CHI3L2: variants seen among roughly 807,000 people sequenced by gnomAD.
CHI3L2 encodes chitinase 3 like 2, also known as chitinase-3-like protein 2.
In CHI3L2, 47 loss-of-function variants were observed where a neutral mutation model predicts 47.3. The ratio of observed to expected loss-of-function variants is 0.99; its 90% CI spans 0.79 to 1.27. CHI3L2 has a LOEUF of 1.27. Among genes scored for constraint, CHI3L2 ranks in the 50% most tolerant of loss-of-function variants. The pLI, the probability that CHI3L2 is intolerant of heterozygous loss-of-function variation, is 0.00. For synonymous variants in CHI3L2, 198 were observed against 169.9 expected (o/e 1.17, Z -1.28); for missense variants, 497 against 462.1 (o/e 1.08, Z -0.69).
chr1:111,237,197 G>T (rs1337455617), intron 7 of CHI3L2, among the ~76,000 whole-genome samples: 3 of 152,236 alleles, frequency 2.0e-5, no homozygotes, highest in Non-Finnish European at 4.4e-5. Flanking sequence ...TACAAAAGCA[G>T]ACTGGTCTCT....
chr1:111,230,405 C>A (rs929108769), intron 2 of CHI3L2, among the ~76,000 whole-genome samples: 3 of 152,014 alleles, frequency 2.0e-5, no homozygotes, highest in Admixed American at 6.5e-5. Flanking sequence ...AGGCATGAAC[C>A]ACTACACCTG....
intron 2 of CHI3L2, 150 bp downstream of exon 2, chr1:111,230,031 T>A: frequency 1.2e-6 from 1 of 860,012 alleles, no homozygotes; most frequent in Non-Finnish European, 1.8e-6. Flanking sequence ...GAGTTTTTAT[T>A]CTATCTTTTT....
intron 7 of CHI3L2, 26 bp downstream of exon 7, chr1:111,236,179 G>A (rs1234395624): frequency 6.2e-7 from 1 of 1,612,706 alleles, no homozygotes; most frequent in Non-Finnish European, 8.5e-7. Flanking sequence ...GAACCGCAGG[G>A]GTACTGGCTG....
In CHI3L2 at chr1:111,234,911, C is replaced by T. The variant is rs1440551032; in HGVS notation, c.334C>T (p.His112Tyr). 1 of 1,613,908 alleles carries T rather than the reference C, an allele frequency of 6.2e-7. No individual in the cohort carries two copies. The highest frequency in any genetic ancestry group is 1.1e-5 in the South Asian group (1 of 91,060). The change falls in exon 5 of 11, where the codon CAC (histidine) becomes TAC (tyrosine). Residue 112 changes from histidine (H) to tyrosine (Y), a missense_variant. By Grantham distance (83) the His-to-Tyr change is moderately conservative (BLOSUM62 2). Transcript: ENST00000369748. ...ACTCGTATTGCTTCTTTCCAGGTTC[C>T]ACCCTATGGTGGATTCTTCTACATC... is the stretch of plus-strand genomic sequence containing the variant. ...GGYLFGSKGF[H>Y]PMVDSSTSRL...
chr1:111,235,203 A>G (rs963951356), intron 5 of CHI3L2, 146 bp downstream of exon 5: 1 of 755,442 alleles, frequency 1.3e-6, no homozygotes, highest in African/African-American at 1.8e-5. Context: ...CCCACTAATG[A>G]GAGAAAAGCC....
Position 111,241,427 on chromosome 1 carries a change from A to T in CHI3L2, c.1019A>T (p.Lys340Met), listed in dbSNP as rs1429645954. ...CAGTGGGTGGGCTATGATGATGTGA[A>T]GAGTATGGAGACCAAGGTAGGTGGG... ...GNQWVGYDDV[K>M]SMETKVQFLK... is the part of the protein sequence containing the mutation. The change falls in exon 9 of 11, where the codon AAG (lysine) becomes ATG (methionine). Residue 340 changes from lysine to methionine, a missense_variant. Transcript: ENST00000369748. 3.5e-5 allele frequency: 56 copies of T among 1,586,784 alleles called. No homozygotes were observed. Among genetic ancestry groups the T allele is most frequent in the Non-Finnish European group, 4.8e-5 (56 of 1,154,940 alleles).
At position 111,227,724 on chromosome 1, in the gene CHI3L2, A is replaced by C; in HGVS notation, c.-6A>C. ...ATGTGTATCCCAGAAGAAGCTGGCC[A>C]AGGATATGGGAGCAACCACCATGGA... is the stretch of plus-strand genomic sequence containing the variant. On this transcript the variant is annotated 5_prime_UTR_variant, in exon 1 of 11. Transcript: ENST00000369748. 6.2e-7 allele frequency: 1 copy of C among 1,614,180 alleles called. No homozygotes were observed. Among genetic ancestry groups the C allele is most frequent in the Admixed American group, 1.7e-5 (1 of 60,030 alleles).
intron 6 of CHI3L2, 77 bp from the exon 7 acceptor site, chr1:111,235,947 A>C: frequency 6.3e-7 from 1 of 1,583,466 alleles, no homozygotes; most frequent in East Asian, 2.2e-5. Context: ...AGCATCATTC[A>C]AAGCCAAAAC....
In CHI3L2 at chr1:111,234,997, G is replaced by C. The variant is rs778549810; in HGVS notation, c.420G>C (p.Leu140=). Residue 140 remains leucine, a synonymous_variant, in exon 5 of 11, where the codon CTG becomes CTC. Transcript: ENST00000369748. ...TGAGGAACCATAACTTTGATGGACTGGATGTAAGCTGGATCTACCCAGATC... is the reference window on the plus strand; with the variant it reads ...TGAGGAACCATAACTTTGATGGACTCGATGTAAGCTGGATCTACCCAGATC... ...LFLRNHNFDG[L]DVSWIYPDQK... 6 of 1,613,968 alleles carry C rather than the reference G, an allele frequency of 3.7e-6. No individual in the cohort carries two copies. The African/African-American group carries it at 6.7e-5, about 18-fold the overall frequency.
chr1:111,235,081 A>C, intron 5 of CHI3L2, 24 bp downstream of exon 5: 1 of 1,611,622 alleles, frequency 6.2e-7, no homozygotes, highest in Non-Finnish European at 8.5e-7. Flanking sequence ...CAAGTAATTC[A>C]TGTGAGTCAG....
chr1:111,233,667 G>A (rs1224417595), intron 4 of CHI3L2, among the ~76,000 whole-genome samples: 11 of 151,786 alleles, frequency 7.2e-5, no homozygotes, highest in Non-Finnish European at 1.3e-4. Context: ...CCCTCTGCCC[G>A]GCCACCACCC....
chr1:111,240,648 C>T (rs1023664114), intron 8 of CHI3L2, among the ~76,000 whole-genome samples: 2 of 152,198 alleles, frequency 1.3e-5, no homozygotes, highest in African/African-American at 2.4e-5. Flanking sequence ...GTAGTAAGCA[C>T]GAATGTAGTT....
chr1:111,231,116 A>G (rs78541380), intron 3 of CHI3L2, 122 bp from the exon 4 acceptor site: 1 of 1,006,958 alleles, frequency 9.9e-7, no homozygotes, highest in Non-Finnish European at 1.5e-6. Context: ...ACTGAACTTC[A>G]CTTTAGTTCA....
At chr1:111,239,236 G>T in intron 8 of CHI3L2, 1 of 275,282 alleles carries the variant, frequency 3.6e-6, no homozygotes, top group Non-Finnish European at 6.7e-6. Flanking sequence ...GAGCAGCTAA[G>T]TGGATGGCAA....
At chr1:111,233,528 G>T (rs55857873) in intron 4 of CHI3L2, among the ~76,000 whole-genome samples, 14,693 of 152,202 alleles carry the variant, frequency 0.097, 1,789 homozygotes, top group African/African-American at 0.28. Context: ...AGGGTGTAAA[G>T]TGTTAAAGAA....
intron 4 of CHI3L2, among the ~76,000 whole-genome samples, chr1:111,234,164 C>T (rs1436589304): frequency 4.9e-5 from 7 of 141,672 alleles, no homozygotes; most frequent in South Asian, 2.3e-4. Context: ...TCCCCCTCTG[C>T]GAGAAACACC....
chr1:111,238,631 A>T, intron 7 of CHI3L2, 119 bp from the exon 8 acceptor site: 1 of 1,026,616 alleles, frequency 9.7e-7, no homozygotes, highest in Non-Finnish European at 1.5e-6. Flanking sequence ...GTCTGTTCAC[A>T]CTCGGATGTA....
At chr1:111,239,963 A>G (rs1055995323) in intron 8 of CHI3L2, among the ~76,000 whole-genome samples, 9 of 152,244 alleles carry the variant, frequency 5.9e-5, no homozygotes, top group African/African-American at 2.2e-4. Flanking sequence ...CAAGATAACT[A>G]TAACATTTAA....
intron 7 of CHI3L2, among the ~76,000 whole-genome samples, chr1:111,237,241 G>A (rs556017663): frequency 1.1e-4 from 17 of 152,204 alleles, no homozygotes; most frequent in African/African-American, 4.1e-4. Context: ...AAAAAGGGCT[G>A]TTAATCATCT....
Sources: allele counts gnomAD v4.1 joint callset (sites outside exome capture counted in the v4.1 genomes callset), GRCh38; gene constraint gnomAD v4.1.1; transcripts MANE v1.5; gene names NCBI Gene and HGNC (gene_info 2026-07-23, HGNC 2026-07-21).